The following LRP1B variants were observed in gnomAD, a reference collection of about 807,000 sequenced individuals.
LRP1B encodes low-density lipoprotein receptor-related protein 1B.
LRP1B carries 217 observed loss-of-function variants against 556.6 expected under a neutral mutation model. The observed-to-expected ratio is 0.39, with a 90% CI of 0.35 to 0.44. LRP1B has a LOEUF of 0.44. Among genes scored for constraint, LRP1B ranks in the 20% least tolerant of loss-of-function variants. The pLI is 1.00. For missense variants in LRP1B, 5,053 were observed against 5,620.8 expected, an observed-to-expected ratio of 0.90 and a Z score of 3.23; for synonymous variants, 2,047 against 1,865.8, an observed-to-expected ratio of 1.10 and a Z score of -2.50.
rs142772984 is a variant in LRP1B at position 141,890,509 on chromosome 2, A to G, written c.83-80108T>C. On this transcript the variant is annotated intron_variant, in intron 1 of 90. Transcript: ENST00000389484. ...TGCAAGTATATATCATTGACAAAAT[A>G]TGTTGGTGAATGGAAGTAAGCATAA... 3.8e-3 allele frequency among the ~76,000 whole-genome samples: 570 copies of G among 151,758 alleles called. 5 individuals are homozygous for G. The highest frequency in any genetic ancestry group is 0.013 in the African/African-American group (556 of 41,400).
chr2:141,600,185 A>G (rs1032535768), intron 2 of LRP1B, among the ~76,000 whole-genome samples: 4 of 152,154 alleles, frequency 2.6e-5, no homozygotes, highest in African/African-American at 9.7e-5. Flanking sequence ...TCCTACCTCC[A>G]TTTAAGTGCT....
intron 1 of LRP1B, among the ~76,000 whole-genome samples, chr2:141,963,001 A>C (rs1328711187): frequency 6.6e-6 from 1 of 151,836 alleles, no homozygotes; most frequent in Admixed American, 6.6e-5. Flanking sequence ...TACTTTTTTT[A>C]ATCTAAAATA....
chr2:142,100,164 T>C (rs1344402558), intron 1 of LRP1B, among the ~76,000 whole-genome samples: 12 of 151,994 alleles, frequency 7.9e-5, no homozygotes, highest in Non-Finnish European at 1.5e-5. Context: ...GTATTACCCA[T>C]CTAAAATTAG....
intron 1 of LRP1B, among the ~76,000 whole-genome samples, chr2:141,953,303 TC>T (rs1327859410): frequency 3.9e-5 from 6 of 152,144 alleles, no homozygotes; most frequent in Non-Finnish European, 7.4e-5. Flanking sequence ...CATTTTCCTT[TC>T]CTATTTATAC....
intron 43 of LRP1B, among the ~76,000 whole-genome samples, chr2:140,570,787 G>T (rs1169866556): frequency 6.6e-6 from 1 of 151,624 alleles, no homozygotes; most frequent in Non-Finnish European, 1.5e-5. Flanking sequence ...CTAGCAAACT[G>T]GATCTAGCAG....
chr2:141,181,809 C>A (rs955956770), intron 7 of LRP1B, among the ~76,000 whole-genome samples: 3 of 151,896 alleles, frequency 2.0e-5, no homozygotes. Context: ...CATGAACTGC[C>A]ACTTGAAGAA....
chr2:140,696,909 C>G (rs1686449037), intron 41 of LRP1B, among the ~76,000 whole-genome samples: 1 of 152,100 alleles, frequency 6.6e-6, no homozygotes, highest in Non-Finnish European at 1.5e-5. Flanking sequence ...GTCACAAATA[C>G]AGTACAATAA....
chr2:140,390,768 TCACACACACA>T (rs70985096), intron 66 of LRP1B, among the ~76,000 whole-genome samples: 1,912 of 143,780 alleles, frequency 0.013, 38 homozygotes, highest in African/African-American at 0.041. Context: ...AATAGAAACT[TCACACACACA>T]CACACACACA....
At chr2:141,217,729 T>A (rs566705973) in intron 6 of LRP1B, among the ~76,000 whole-genome samples, 2 of 152,070 alleles carry the variant, frequency 1.3e-5, no homozygotes, top group South Asian at 4.2e-4. Context: ...AAACAAAAAT[T>A]AACAATGAAT....
At chr2:141,426,012 T>C (rs1395624790) in intron 3 of LRP1B, among the ~76,000 whole-genome samples, 4 of 151,698 alleles carry the variant, frequency 2.6e-5, no homozygotes, top group Admixed American at 6.6e-5. Context: ...ATGTCCTGAA[T>C]GGTAATGCCT....
intron 86 of LRP1B, among the ~76,000 whole-genome samples, chr2:140,263,031 C>T (rs991710183): frequency 1.3e-5 from 2 of 152,098 alleles, no homozygotes; most frequent in African/African-American, 2.4e-5. Context: ...TCAGGTGATC[C>T]TCCCAGGTCA....
intron 1 of LRP1B, among the ~76,000 whole-genome samples, chr2:141,913,904 A>T (rs1044085232): frequency 6.6e-6 from 1 of 151,808 alleles, no homozygotes; most frequent in Admixed American, 6.6e-5. Context: ...GTACCACCAC[A>T]CCCAGGTAAT....
At chr2:140,896,522 C>T (rs1693959409) in intron 23 of LRP1B, among the ~76,000 whole-genome samples, 1 of 152,164 alleles carries the variant, frequency 6.6e-6, no homozygotes, top group Admixed American at 6.5e-5. Flanking sequence ...TTTTCAAATG[C>T]TCAGGCTGAA....
At chr2:140,890,584 CAAAAT>C (rs1308052043) in intron 23 of LRP1B, among the ~76,000 whole-genome samples, 2 of 151,844 alleles carry the variant, frequency 1.3e-5, no homozygotes, top group African/African-American at 4.8e-5. Flanking sequence ...AATAAACAAA[CAAAAT>C]AAACTAGTTT....
chr2:140,510,036 C>T lies in LRP1B; in HGVS notation c.8290G>A (p.Asp2764Asn), dbSNP rs1429903950. The part of the protein sequence containing the change: ...SICGAITCAA[D>N]MFSCQGSRAC... ...CGAGAGCCCTGGCAGCTGAACATGT[C>T]AGCAGCACAGGTTATGGCACCTGAA... Residue 2764 changes from aspartate (D) to asparagine (N), a missense_variant, in exon 52 of 91, where the codon GAC becomes AAC. Physicochemically the swap from Asp to Asn is conservative, Grantham distance 23 (BLOSUM62 1). This residue lies in a region of LRP1B where 3,619 missense variants were observed against 3,931.9 expected (regional missense o/e 0.92). Transcript: ENST00000389484. The T allele has an allele frequency of 3.1e-6, 5 of 1,613,730 alleles. No individual in the cohort carries two copies. Among genetic ancestry groups the T allele is most frequent in the Non-Finnish European group, 4.2e-6 (5 of 1,179,996 alleles).
At chr2:140,869,276 T>C (rs183288783) in intron 25 of LRP1B, among the ~76,000 whole-genome samples, 102 of 152,254 alleles carry the variant, frequency 6.7e-4, no homozygotes, top group African/African-American at 2.4e-3. Context: ...TGTACTTTAT[T>C]CCTTTTGGTC....
chr2:142,122,437 G>C (rs1275326047), intron 1 of LRP1B, among the ~76,000 whole-genome samples: 2 of 152,098 alleles, frequency 1.3e-5, no homozygotes, highest in African/African-American at 4.8e-5. Context: ...TCAACATTTA[G>C]ATTTAGATAT....
At chr2:141,621,650 A>G (rs13016068) in intron 2 of LRP1B, among the ~76,000 whole-genome samples, 99,945 of 152,032 alleles carry the variant, frequency 0.66, 34,418 homozygotes, top group East Asian at 0.77. Context: ...ACATTTAAAT[A>G]TTTAGATTTA....
intron 6 of LRP1B, among the ~76,000 whole-genome samples, chr2:141,209,840 A>G (rs1174057472): frequency 6.6e-6 from 1 of 152,168 alleles, no homozygotes; most frequent in African/African-American, 2.4e-5. Context: ...GTAGACCATA[A>G]ATTATAAGGA....
Sources: gnomAD v4.1 joint callset for allele counts (sites outside exome capture counted in the v4.1 genomes callset) on GRCh38, gnomAD v4.1.1 for gene constraint, gnomAD v4.1.1 regional missense constraint, MANE v1.5 for transcripts, NCBI Gene and HGNC (gene_info 2026-07-23, HGNC 2026-07-21) for gene names.